The following RIPOR3 variants were observed in gnomAD, a reference collection of about 807,000 sequenced individuals.
The protein encoded by RIPOR3 is RIPOR family member 3.
Under a neutral mutation model 114.3 loss-of-function variants are expected in RIPOR3, and 95 were observed. The ratio of observed to expected loss-of-function variants is 0.83; its 90% confidence interval spans 0.70 to 0.99. The LOEUF (loss-of-function observed/expected upper bound fraction) is 0.99. RIPOR3 is among the 50% of genes least tolerant of loss of function. The probability of loss-of-function intolerance (pLI) is 0.00; values close to 1 mark genes in which losing one functional copy is unlikely to be tolerated. For missense variants in RIPOR3, 1,252 were observed against 1,266.9 expected, an observed-to-expected ratio of 0.99 and a Z score of 0.18; for synonymous variants, 575 against 543.8, an observed-to-expected ratio of 1.06 and a Z score of -0.80.
intron 1 of RIPOR3, chr20:50,636,515 C>G (rs1600647647): frequency 4.1e-6 from 4 of 969,368 alleles, no homozygotes; most frequent in Non-Finnish European, 4.9e-6. Flanking sequence ...GCATGAGAGA[C>G]AGTGCAGAGA....
At chr20:50,675,844 T>C (rs1338386299) in intron 1 of RIPOR3, among the ~76,000 whole-genome samples, 1 of 152,212 alleles carries the variant, frequency 6.6e-6, no homozygotes, top group Non-Finnish European at 1.5e-5. Flanking sequence ...CTCATTCATT[T>C]GTTCACGCAT....
chr20:50,666,213 T>TTTTC (rs1568944964), intron 1 of RIPOR3, among the ~76,000 whole-genome samples: 1 of 113,100 alleles, frequency 8.8e-6, no homozygotes, highest in African/African-American at 4.0e-5. Context: ...TTTTCTTTTC[T>TTTTC]TTTCTTTTCT....
rs1469163855 is a variant in RIPOR3, at chr20:50,608,338, C to T, written c.956+51G>A. Reference sequence around the variant, plus strand: ...CCAGGGCCAGAGTGTGGCCAGGCCACCAGGGGCAGCCAGCCAGGCCTCCGC... The same window carrying T: ...CCAGGGCCAGAGTGTGGCCAGGCCATCAGGGGCAGCCAGCCAGGCCTCCGC... On this transcript the variant is annotated intron_variant, in intron 11 of 21. Coordinates refer to ENST00000327979, the MANE Select transcript of RIPOR3 (RefSeq NM_001290268.2). 4.4e-6 allele frequency: 7 copies of T among 1,608,482 alleles called. No homozygotes were observed. The East Asian group carries it at 1.6e-4, about 36-fold the overall frequency.
chr20:50,677,728 G>C (rs1173902715), intron 1 of RIPOR3, among the ~76,000 whole-genome samples: 1 of 146,000 alleles, frequency 6.8e-6, no homozygotes, highest in African/African-American at 2.6e-5. Context: ...GGAGTGCAGT[G>C]GGGCGATCTC....
At chr20:50,687,014 C>CT (rs2087051098) in intron 1 of RIPOR3, among the ~76,000 whole-genome samples, 1 of 152,214 alleles carries the variant, frequency 6.6e-6, no homozygotes, top group Non-Finnish European at 1.5e-5. Flanking sequence ...GCTATCTGAA[C>CT]TTTTCCTATA....
chr20:50,666,192 C>CTTTTCTTTTCTTTTTTTCTTTG (rs1555873311), intron 1 of RIPOR3, among the ~76,000 whole-genome samples: 7 of 26,744 alleles, frequency 2.6e-4, no homozygotes, highest in African/African-American at 3.8e-4. Context: ...CATTTCTTTT[C>CTTTTCTTTTCTTTTTTTCTTTG]TTTTCTTTTC....
At chr20:50,684,303 G>A (rs1307405285) in intron 1 of RIPOR3, among the ~76,000 whole-genome samples, 6 of 152,176 alleles carry the variant, frequency 3.9e-5, no homozygotes, top group African/African-American at 7.2e-5. Flanking sequence ...AAAGACCTGC[G>A]CGATATGAAC....
At chr20:50,671,424 GCGCGCACA>G (rs773487360) in intron 1 of RIPOR3, among the ~76,000 whole-genome samples, 10,169 of 91,218 alleles carry the variant, frequency 0.11, 397 homozygotes, top group South Asian at 0.19. Flanking sequence ...GTGCACGCGC[GCGCGCACA>G]CACACACACA....
chr20:50,606,786 G>C (rs1280948595), intron 11 of RIPOR3, among the ~76,000 whole-genome samples: 1 of 151,674 alleles, frequency 6.6e-6, no homozygotes. Flanking sequence ...CTGGAGTGCG[G>C]TGGCGCCATC....
At chr20:50,644,024 G>T (rs531327855) in intron 1 of RIPOR3, among the ~76,000 whole-genome samples, 2 of 152,018 alleles carry the variant, frequency 1.3e-5, no homozygotes, top group Non-Finnish European at 2.9e-5. Flanking sequence ...GGAGGCTAAG[G>T]CAGGAGGATT....
intron 1 of RIPOR3, among the ~76,000 whole-genome samples, chr20:50,682,284 G>A (rs923933085): frequency 3.3e-5 from 5 of 152,178 alleles, no homozygotes; most frequent in African/African-American, 9.7e-5. Flanking sequence ...TTATATCAAC[G>A]AATTTTAGCA....
chr20:50,596,611 C>CA (rs1435352607), intron 14 of RIPOR3, among the ~76,000 whole-genome samples: 1 of 152,208 alleles, frequency 6.6e-6, no homozygotes, highest in Non-Finnish European at 1.5e-5. Context: ...GCCCCACACT[C>CA]AAGGCCGTGA....
intron 2 of RIPOR3, chr20:50,621,140 G>T: frequency 2.8e-6 from 1 of 355,312 alleles, no homozygotes; most frequent in South Asian, 2.3e-5. Flanking sequence ...AAAAAGAACA[G>T]TAATAAAAAT....
chr20:50,600,553 G>A (rs1223447449), intron 13 of RIPOR3, among the ~76,000 whole-genome samples: 1 of 152,180 alleles, frequency 6.6e-6, no homozygotes, highest in African/African-American at 2.4e-5. Flanking sequence ...GAGTCCAGGA[G>A]TTTGAGACCA....
At chr20:50,670,966 C>T (rs2086456773) in intron 1 of RIPOR3, among the ~76,000 whole-genome samples, 2 of 152,082 alleles carry the variant, frequency 1.3e-5, no homozygotes, top group South Asian at 2.1e-4. Context: ...CTTGCCCTGA[C>T]ACCCAGGCTG....
Position 50,604,719 on chromosome 20 carries a change from T to C in RIPOR3, c.1012A>G (p.Met338Val). The C allele has an allele frequency of 6.2e-7, 1 of 1,609,278 alleles. No individual in the cohort carries two copies. Among genetic ancestry groups the C allele is most frequent in the Non-Finnish European group, 8.5e-7 (1 of 1,178,202 alleles). Reference protein sequence around the residue: ...VSPSPTGKFSMGSRKGSLYNW... With the variant: ...VSPSPTGKFSVGSRKGSLYNW... ...TACAAGGAGCCCTTCCTGCTGCCCA[T>C]AGAAAACTTGCCCGTGGGGCTGGGT... Residue 338 changes from methionine (M) to valine (V), a missense_variant, in exon 12 of 22, where the codon ATG becomes GTG. Transcript: ENST00000327979.
chr20:50,649,338 G>A (rs562155662), intron 1 of RIPOR3, among the ~76,000 whole-genome samples: 12 of 152,270 alleles, frequency 7.9e-5, no homozygotes, highest in Admixed American at 1.3e-4. Flanking sequence ...CCAGCTACTC[G>A]GGAGGCTGAG....
rs1008868214 is a variant in RIPOR3 at position 50,608,463 on chromosome 20, C to T, written c.882G>A (p.Thr294=). Residue 294 remains threonine, a synonymous_variant, in exon 11 of 22, where the codon ACG becomes ACA. Transcript: ENST00000327979. ...AVTCDIADFF[T]TRPQVIVVDI... ...CCACCACGATGACCTGCGGCCGCGT[C>T]GTGAAGAAGTCGGCGATGTCACACG... 1.6e-5 allele frequency: 26 copies of T among 1,613,952 alleles called. No individual in the cohort carries two copies. The South Asian group carries it at 1.8e-4, about 11-fold the overall frequency.
chr20:50,663,112 A>G (rs1398723071), intron 1 of RIPOR3, among the ~76,000 whole-genome samples: 1 of 151,802 alleles, frequency 6.6e-6, no homozygotes, highest in East Asian at 1.9e-4. Flanking sequence ...AAAAAAAAAA[A>G]AAAAGTTTTC....
Sources: gnomAD v4.1 joint callset for allele counts (sites outside exome capture counted in the v4.1 genomes callset) on GRCh38, gnomAD v4.1.1 for gene constraint, MANE v1.5 for transcripts, NCBI Gene and HGNC (gene_info 2026-07-23, HGNC 2026-07-21) for gene names.